Variants in SLC8A1 observed in about 807,000 individuals in gnomAD.
The protein encoded by SLC8A1 is solute carrier family 8 member A1.
SLC8A1 carries 18 observed loss-of-function variants against 68.3 expected under a neutral mutation model. The ratio of observed to expected loss-of-function variants is 0.26; its 90% CI spans 0.18 to 0.39. The LOEUF (loss-of-function observed/expected upper bound fraction) is 0.39, where lower values mean the gene tolerates loss of function less well. SLC8A1 is among the 10% of genes least tolerant of loss of function. The pLI is 1.00. For missense variants in SLC8A1, 985 were observed against 1,156.7 expected (o/e 0.85, Z 2.15); for synonymous variants, 475 against 415.5 (o/e 1.14, Z -1.74).
At chr2:40,392,043 A>C (rs1685426583) in intron 2 of SLC8A1, among the ~76,000 whole-genome samples, 1 of 141,588 alleles carries the variant, frequency 7.1e-6, no homozygotes, top group Non-Finnish European at 1.5e-5. Flanking sequence ...AAAAACAAAC[A>C]AACAAACAAA....
chr2:40,201,437 G>A (rs1394126943), intron 2 of SLC8A1, among the ~76,000 whole-genome samples: 1 of 151,938 alleles, frequency 6.6e-6, no homozygotes, highest in African/African-American at 2.4e-5. Context: ...TAATGCTAAT[G>A]TTTGTTTTGA....
intron 2 of SLC8A1, among the ~76,000 whole-genome samples, chr2:40,288,439 T>A (rs1317768490): frequency 6.6e-6 from 1 of 152,090 alleles, no homozygotes; most frequent in Non-Finnish European, 1.5e-5. Context: ...CTCATCAGTG[T>A]GAGATATTCT....
At chr2:40,495,348 A>G (rs1000065280) in intron 1 of SLC8A1, among the ~76,000 whole-genome samples, 1 of 152,060 alleles carries the variant, frequency 6.6e-6, no homozygotes, top group African/African-American at 2.4e-5. Flanking sequence ...CCTGAAAGCA[A>G]AAGTGTTTTA....
chr2:40,222,048 G>A (rs2058401011), intron 2 of SLC8A1, among the ~76,000 whole-genome samples: 2 of 152,108 alleles, frequency 1.3e-5, no homozygotes, highest in South Asian at 4.2e-4. Context: ...CTAAAAAAGA[G>A]CCTGTGTAGC....
rs1418858461 is a variant in SLC8A1 at position 40,127,148 on chromosome 2, A to G, written c.2438-11519T>C. Reference sequence around the variant, plus strand: ...TTCCTAGTTAGCTATTGGCATTGTCAAAATACAGTGTTTCATTGTGAATAT... The same window carrying G: ...TTCCTAGTTAGCTATTGGCATTGTCGAAATACAGTGTTTCATTGTGAATAT... On this transcript the variant is annotated intron_variant, in intron 7 of 7. Transcript: ENST00000406785. Among the ~76,000 whole-genome samples the G allele has an allele frequency of 3.9e-5, 6 of 152,204 alleles. No individual in the cohort carries two copies. In the South Asian group the frequency reaches 6.2e-4, roughly 16 times the overall value.
chr2:40,346,417 T>C (rs898567666), intron 2 of SLC8A1, among the ~76,000 whole-genome samples: 1 of 152,164 alleles, frequency 6.6e-6, no homozygotes, highest in African/African-American at 2.4e-5. Context: ...GTTTACCTCA[T>C]ACTTAGTGAA....
exon 2 of SLC8A1, chr2:40,429,797 T>G: frequency 6.2e-7 from 1 of 1,613,752 alleles, no homozygotes; most frequent in Non-Finnish European, 8.5e-7. Context: ...TCTCCTGCAG[T>G]GAAGTTATGG....
chr2:40,134,138 C>G (rs929312632), intron 7 of SLC8A1, among the ~76,000 whole-genome samples: 18 of 151,200 alleles, frequency 1.2e-4, no homozygotes, highest in African/African-American at 4.4e-4. Flanking sequence ...GTTGCCCAGG[C>G]TGGAGTGCAG....
chr2:40,367,098 G>A (rs72798626), intron 2 of SLC8A1, among the ~76,000 whole-genome samples: 1 of 151,922 alleles, frequency 6.6e-6, no homozygotes, highest in Non-Finnish European at 1.5e-5. Context: ...AAACCAAAGA[G>A]TCATAAGATC....
intron 2 of SLC8A1, among the ~76,000 whole-genome samples, chr2:40,361,755 A>G (rs564958042): frequency 2.0e-4 from 31 of 152,026 alleles, no homozygotes; most frequent in Non-Finnish European, 4.1e-4. Context: ...ATCGGGTAGG[A>G]AGGATTGCCT....
chr2:40,327,716 G>A (rs2075988862), intron 2 of SLC8A1, among the ~76,000 whole-genome samples: 1 of 152,034 alleles, frequency 6.6e-6, no homozygotes. Context: ...GGGTACACAT[G>A]GACATAAAGA....
At chr2:40,383,651 TTAAG>T (rs1227542393) in intron 2 of SLC8A1, among the ~76,000 whole-genome samples, 2 of 152,062 alleles carry the variant, frequency 1.3e-5, no homozygotes, top group Non-Finnish European at 2.9e-5. Flanking sequence ...CACCAACTAA[TTAAG>T]TAATACTTAA....
intron 1 of SLC8A1, among the ~76,000 whole-genome samples, chr2:40,440,152 T>A (rs1269930775): frequency 6.6e-6 from 1 of 152,090 alleles, no homozygotes; most frequent in Non-Finnish European, 1.5e-5. Flanking sequence ...ATCTAGTGAA[T>A]ATGTTCTTTA....
chr2:40,269,038 A>G (rs1457345771), intron 2 of SLC8A1, among the ~76,000 whole-genome samples: 2 of 152,228 alleles, frequency 1.3e-5, no homozygotes, highest in East Asian at 1.9e-4. Flanking sequence ...TCATGCTCCT[A>G]TGAAAACCAC....
chr2:40,227,088 G>C (rs2059078160), intron 2 of SLC8A1, among the ~76,000 whole-genome samples: 1 of 152,056 alleles, frequency 6.6e-6, no homozygotes, highest in Non-Finnish European at 1.5e-5. Context: ...GGATTTTCTT[G>C]ATTATTCTGG....
intron 1 of SLC8A1, among the ~76,000 whole-genome samples, chr2:40,490,649 G>A (rs1474141030): frequency 1.3e-5 from 2 of 152,062 alleles, no homozygotes; most frequent in Admixed American, 1.3e-4. Flanking sequence ...ATGGGTAGGA[G>A]TAGTGGATTC....
At chr2:40,315,261 C>T (rs1367805536) in intron 2 of SLC8A1, among the ~76,000 whole-genome samples, 1 of 151,730 alleles carries the variant, frequency 6.6e-6, no homozygotes, top group Non-Finnish European at 1.5e-5. Flanking sequence ...ATATGTTTTC[C>T]CTTTTCTAGT....
exon 8 of SLC8A1, chr2:40,113,637 A>C (rs1032769797): frequency 3.9e-5 from 6 of 152,620 alleles, no homozygotes; most frequent in Admixed American, 3.3e-4. Context: ...AGGGCTCAAA[A>C]TAGCCTTTTA....
intron 1 of SLC8A1, among the ~76,000 whole-genome samples, chr2:40,474,669 T>G (rs1019172716): frequency 3.9e-5 from 6 of 152,230 alleles, no homozygotes; most frequent in African/African-American, 1.4e-4. Context: ...TGAAGTTACT[T>G]AATCTTACAA....
Sources: allele counts gnomAD v4.1 joint callset (sites outside exome capture counted in the v4.1 genomes callset), GRCh38; gene constraint gnomAD v4.1.1; transcripts MANE v1.5; gene names NCBI Gene and HGNC (gene_info 2026-07-23, HGNC 2026-07-21).